The following EED variants were observed in gnomAD, a reference collection of about 807,000 sequenced individuals.
EED encodes embryonic ectoderm development, also known as polycomb protein EED.
A neutral mutation model predicts 61.0 loss-of-function variants in EED; 9 were observed. That is an observed-to-expected ratio of 0.15 (90% CI 0.09 to 0.26). The LOEUF (loss-of-function observed/expected upper bound fraction) is 0.26. EED is among the 10% of genes least tolerant of loss of function. The pLI is 1.00. For missense variants in EED, 315 were observed against 542.3 expected, an observed-to-expected ratio of 0.58 and a Z score of 4.16; for synonymous variants, 187 against 174.4, an observed-to-expected ratio of 1.07 and a Z score of -0.57.
intron 6 of EED, among the ~76,000 whole-genome samples, chr11:86,263,564 T>C (rs1290471995): frequency 6.6e-6 from 1 of 152,232 alleles, no homozygotes; most frequent in African/African-American, 2.4e-5. Flanking sequence ...AATTTTTTGT[T>C]GAGACAGGGT....
intron 6 of EED, among the ~76,000 whole-genome samples, chr11:86,261,156 A>G (rs1038305978): frequency 1.3e-5 from 2 of 152,206 alleles, no homozygotes; most frequent in Admixed American, 6.5e-5. Flanking sequence ...TAAATTCTCC[A>G]TCTGTGGGTC....
At chr11:86,249,691 T>C (rs966995721) in intron 1 of EED, among the ~76,000 whole-genome samples, 1 of 152,190 alleles carries the variant, frequency 6.6e-6, no homozygotes, top group African/African-American at 2.4e-5. Flanking sequence ...AATGAGACAG[T>C]TTTAACTTGT....
At chr11:86,254,558 A>G (rs1036462452) in intron 3 of EED, among the ~76,000 whole-genome samples, 1 of 151,784 alleles carries the variant, frequency 6.6e-6, no homozygotes, top group Non-Finnish European at 1.5e-5. Context: ...TGACCTCGTG[A>G]TCCACCCGCC....
At chr11:86,264,406 T>A (rs1298523156) in intron 7 of EED, 143 bp downstream of exon 7, 1 of 545,002 alleles carries the variant, frequency 1.8e-6, no homozygotes. Context: ...AAGATTTTAA[T>A]CTCCAGATGA....
chr11:86,249,356 T>G (rs537127881), intron 1 of EED, among the ~76,000 whole-genome samples: 69 of 148,328 alleles, frequency 4.7e-4, no homozygotes, highest in African/African-American at 1.6e-3. Flanking sequence ...CAGTGTTTCC[T>G]AGGCTGTTTA....
chr11:86,279,551 G>C (rs773917185), downstream of EED, among the ~76,000 whole-genome samples: 1 of 152,198 alleles, frequency 6.6e-6, no homozygotes, highest in Non-Finnish European at 1.5e-5. Flanking sequence ...GCAGAGGAGT[G>C]AAGAAAGCCT....
chr11:86,272,904 T>G (rs1310529621), intron 9 of EED, among the ~76,000 whole-genome samples: 1 of 152,234 alleles, frequency 6.6e-6, no homozygotes, highest in Non-Finnish European at 1.5e-5. Flanking sequence ...CTTTTTGTCT[T>G]TTTCATTTCT....
chr11:86,257,623 CTG>C, intron 6 of EED, 27 bp downstream of exon 6: 1 of 1,575,098 alleles, frequency 6.3e-7, no homozygotes, highest in South Asian at 1.2e-5. Context: ...TTTCTTGAGT[CTG>C]TGCAATTTGT....
chr11:86,260,421 G>A lies in EED; in HGVS notation c.634+2825G>A, dbSNP rs567263194. Among the ~76,000 whole-genome samples the A allele has an allele frequency of 6.6e-5, 10 of 152,120 alleles. No homozygotes were observed. In the South Asian group the frequency reaches 1.5e-3, roughly 22 times the overall value. ...TTTAAAAATTTTTTGTAGAGATACG[G>A]TTTCATTATGTTGTCCAACCTGGTC... On this transcript the variant is annotated intron_variant, in intron 6 of 11. Coordinates refer to ENST00000263360, the MANE Select transcript of EED (RefSeq NM_003797.5).
intron 6 of EED, chr11:86,263,902 C>T (rs1475355135): frequency 2.6e-6 from 1 of 378,178 alleles, no homozygotes; most frequent in Non-Finnish European, 4.8e-6. Flanking sequence ...GACCTAAATA[C>T]CTCCCATTAG....
intron 11 of EED, 42 bp from the exon 12 acceptor site, chr11:86,278,357 G>A (rs369249163): frequency 3.9e-5 from 62 of 1,597,096 alleles, no homozygotes; most frequent in South Asian, 5.6e-5. Flanking sequence ...CACTGACAAC[G>A]TTATGTGTGG....
At chr11:86,252,115 TTAATCTTTTC>T in intron 2 of EED, 23 bp from the exon 3 acceptor site, 1 of 1,570,280 alleles carries the variant, frequency 6.4e-7, no homozygotes, top group Non-Finnish European at 8.7e-7. Context: ...GTAAGATACA[TTAATCTTTTC>T]TTATTTCATG....
rs111379316 is a variant in EED, at chr11:86,275,029, ATTG to A, written c.967-1931_967-1929del. Among the ~76,000 whole-genome samples the A allele has an allele frequency of 5.9e-5, 9 of 151,570 alleles. No individual in the cohort carries two copies. In the East Asian group the frequency reaches 9.7e-4, roughly 16 times the overall value. ...CATTGGCTAGAAAAAGCAGGCTTTT[ATTG>A]TTGTTGTTGTTGTTGTTGTCTTCAC... is the stretch of plus-strand genomic sequence containing the variant. On this transcript the variant is annotated intron_variant, in intron 9 of 11. Transcript: ENST00000263360.
the EED span, among the ~76,000 whole-genome samples, chr11:86,287,034 T>C: frequency 1.4e-5 from 2 of 147,602 alleles, no homozygotes; most frequent in East Asian, 4.0e-4. Context: ...TACACACATA[T>C]AGAAAGTCCC....
downstream of EED, among the ~76,000 whole-genome samples, chr11:86,279,317 A>G (rs576841218): frequency 6.6e-6 from 1 of 152,332 alleles, no homozygotes; most frequent in Admixed American, 6.5e-5. Context: ...GTTTAAATGC[A>G]GTGGGTTGGA....
At chr11:86,249,844 A>G (rs991367339) in intron 1 of EED, among the ~76,000 whole-genome samples, 1 of 152,238 alleles carries the variant, frequency 6.6e-6, no homozygotes, top group Non-Finnish European at 1.5e-5. Context: ...CCCCAGCTCC[A>G]TGCTCCAGAC....
At chr11:86,274,101 C>CT (rs375116812) in intron 9 of EED, among the ~76,000 whole-genome samples, 1,585 of 139,358 alleles carry the variant, frequency 0.011, 13 homozygotes, top group Non-Finnish European at 0.017. Context: ...TGTCTTTTTT[C>CT]TTTTTTTTTT....
chr11:86,256,723 G>A (rs1945685898), intron 5 of EED, among the ~76,000 whole-genome samples: 1 of 152,186 alleles, frequency 6.6e-6, no homozygotes, highest in African/African-American at 2.4e-5. Flanking sequence ...GTTAATATTT[G>A]TAGTGCTTTC....
intron 9 of EED, 62 bp downstream of exon 9, chr11:86,268,623 G>GTA (rs1946041487): frequency 4.8e-6 from 5 of 1,050,222 alleles, no homozygotes; most frequent in Non-Finnish European, 6.8e-6. Flanking sequence ...GTGTGTGTGT[G>GTA]TGTATGTGTG....
Sources: gnomAD v4.1 joint callset for allele counts (sites outside exome capture counted in the v4.1 genomes callset) on GRCh38, gnomAD v4.1.1 for gene constraint, MANE v1.5 for transcripts, NCBI Gene and HGNC (gene_info 2026-07-23, HGNC 2026-07-21) for gene names.